Variants in POMP observed in about 807,000 individuals in gnomAD.
POMP encodes 2510048O06Rik.
In POMP, 12 loss-of-function variants were observed where a neutral mutation model predicts 20.6. That is an observed-to-expected ratio of 0.58 (90% CI 0.37 to 0.94). The LOEUF is 0.94. Ranked by LOEUF, POMP falls within the 40% of genes least tolerant of loss-of-function variation. The probability of loss-of-function intolerance (pLI) is 0.01; values close to 1 mark genes in which losing one functional copy is unlikely to be tolerated. For synonymous variants in POMP, 53 were observed against 55.0 expected, an observed-to-expected ratio of 0.96 and a Z score of 0.16; for missense variants, 136 against 161.1, an observed-to-expected ratio of 0.84 and a Z score of 0.84.
At chr13:28,659,428 G>A (rs1005227532) in intron 1 of POMP, among the ~76,000 whole-genome samples, 4 of 152,188 alleles carry the variant, frequency 2.6e-5, no homozygotes, top group Non-Finnish European at 5.9e-5. Flanking sequence ...TCTTAGCTCG[G>A]TTTGCGCCCT....
chr13:28,675,038 CAA>C (rs1337250063), intron 5 of POMP, among the ~76,000 whole-genome samples: 2 of 151,096 alleles, frequency 1.3e-5, no homozygotes, highest in African/African-American at 4.9e-5. Flanking sequence ...AACCCTATCT[CAA>C]AAAATAAAAA....
Position 28,678,047 on chromosome 13 carries a change from G to A in POMP, c.371G>A (p.Ser124Asn), listed in dbSNP as rs1884658097. The change falls in exon 6 of 6, where the codon AGC (serine) becomes AAC (asparagine). Residue 124 changes from serine to asparagine, a missense_variant. Ser to Asn is a conservative substitution (Grantham distance 46, BLOSUM62 1). Transcript: ENST00000380842. ...TGTTTGCTTTCAGATCCATCACAAA[G>A]CGAAGTCATGGGAGAGCCACACTTG... Reference protein sequence around the residue: ...FEDILNDPSQSEVMGEPHLMV... With the variant: ...FEDILNDPSQNEVMGEPHLMV... The A allele has an allele frequency of 2.5e-6, 4 of 1,613,882 alleles. No individual in the cohort carries two copies. Among genetic ancestry groups the A allele is most frequent in the African/African-American group, 1.3e-5 (1 of 74,898 alleles).
At chr13:28,669,300 C>T (rs1566108737) in intron 4 of POMP, among the ~76,000 whole-genome samples, 1 of 152,178 alleles carries the variant, frequency 6.6e-6, no homozygotes, top group Non-Finnish European at 1.5e-5. Flanking sequence ...TTTTTACCTT[C>T]ACTTTACTTC....
intron 4 of POMP, among the ~76,000 whole-genome samples, chr13:28,669,280 A>T (rs972318236): frequency 3.3e-5 from 5 of 152,088 alleles, no homozygotes; most frequent in East Asian, 3.9e-4. Context: ...GCTCCTGAAC[A>T]ATGTGGACAT....
intron 1 of POMP, among the ~76,000 whole-genome samples, chr13:28,659,462 C>T (rs1405039573): frequency 6.6e-6 from 1 of 152,196 alleles, no homozygotes; most frequent in African/African-American, 2.4e-5. Context: ...CCCCAGCAGG[C>T]CCAGACCTCC....
chr13:28,659,276 G>C (rs962391835), intron 1 of POMP, 89 bp downstream of exon 1: 2 of 1,539,014 alleles, frequency 1.3e-6, no homozygotes, highest in Admixed American at 2.0e-5. Flanking sequence ...ACCCGTCCCC[G>C]GTGGCGGCGG....
intron 3 of POMP, among the ~76,000 whole-genome samples, chr13:28,667,360 C>T (rs1281918062): frequency 6.6e-6 from 1 of 152,072 alleles, no homozygotes; most frequent in African/African-American, 2.4e-5. Context: ...CTGTGAATAG[C>T]CACTGCACTC....
chr13:28,676,632 T>A (rs1389208541), intron 5 of POMP, among the ~76,000 whole-genome samples: 1 of 152,194 alleles, frequency 6.6e-6, no homozygotes, highest in Non-Finnish European at 1.5e-5. Context: ...TTAATCTAAA[T>A]ACTGTGTAAA....
chr13:28,663,974 C>T (rs1221262289), intron 2 of POMP, among the ~76,000 whole-genome samples: 1 of 152,028 alleles, frequency 6.6e-6, no homozygotes, highest in Non-Finnish European at 1.5e-5. Flanking sequence ...AGGTAGTCAT[C>T]TTTATATAGC....
chr13:28,659,840 A>G (rs1884303014), intron 1 of POMP: 1 of 152,696 alleles, frequency 6.5e-6, no homozygotes. Context: ...TTTGAGAAGA[A>G]CACTGAGTCA....
chr13:28,677,707 C>A (rs1027532054), intron 5 of POMP, among the ~76,000 whole-genome samples: 6 of 152,094 alleles, frequency 3.9e-5, no homozygotes, highest in African/African-American at 1.4e-4. Context: ...AAACTTTTGT[C>A]AATCTGTTTT....
At chr13:28,676,025 T>G (rs574038145) in intron 5 of POMP, among the ~76,000 whole-genome samples, 3 of 151,766 alleles carry the variant, frequency 2.0e-5, no homozygotes, top group African/African-American at 4.8e-5. Context: ...CATGGCTTTG[T>G]TTTTTTTCTC....
intron 5 of POMP, among the ~76,000 whole-genome samples, chr13:28,676,384 C>A (rs924562398): frequency 1.3e-5 from 2 of 152,198 alleles, no homozygotes; most frequent in African/African-American, 4.8e-5. Context: ...GTAATCCCCG[C>A]TCTGTCACCC....
At chr13:28,673,890 T>C (rs900816399) in intron 5 of POMP, among the ~76,000 whole-genome samples, 1 of 152,144 alleles carries the variant, frequency 6.6e-6, no homozygotes, top group Non-Finnish European at 1.5e-5. Flanking sequence ...AAAACAAATA[T>C]CTGTGCTTTC....
intron 1 of POMP, among the ~76,000 whole-genome samples, chr13:28,660,876 A>G (rs1357948785): frequency 2.0e-5 from 3 of 152,180 alleles, no homozygotes; most frequent in African/African-American, 4.8e-5. Flanking sequence ...ACCTTGATAT[A>G]CAGAACTGGA....
chr13:28,674,233 A>G (rs1884594350), intron 5 of POMP, among the ~76,000 whole-genome samples: 1 of 152,226 alleles, frequency 6.6e-6, no homozygotes, highest in Admixed American at 6.5e-5. Context: ...TCTTATTCAT[A>G]GCAATAGCGT....
chr13:28,665,754 T>C (rs193013898), intron 3 of POMP, among the ~76,000 whole-genome samples: 1 of 152,348 alleles, frequency 6.6e-6, no homozygotes, highest in East Asian at 1.9e-4. Flanking sequence ...TTCACTCTTT[T>C]ACTCAGTTGC....
chr13:28,677,700 CTT>C (rs1020705871), intron 5 of POMP, among the ~76,000 whole-genome samples: 9 of 152,188 alleles, frequency 5.9e-5, no homozygotes, highest in African/African-American at 2.2e-4. Flanking sequence ...GAAAAAAAAA[CTT>C]TTGTCAATCT....
chr13:28,671,733 A>T (rs1884550271), intron 4 of POMP, among the ~76,000 whole-genome samples: 1 of 151,796 alleles, frequency 6.6e-6, no homozygotes, highest in Non-Finnish European at 1.5e-5. Context: ...TAATATATTT[A>T]GTCTGGATAC....
Sources: gnomAD v4.1 joint callset for allele counts (sites outside exome capture counted in the v4.1 genomes callset) on GRCh38, gnomAD v4.1.1 for gene constraint, MANE v1.5 for transcripts, NCBI Gene and HGNC (gene_info 2026-07-23, HGNC 2026-07-21) for gene names.